OLFM2: variants seen among roughly 807,000 people sequenced by gnomAD.
The protein encoded by OLFM2 is olfactomedin 2.
OLFM2 carries 20 observed loss-of-function variants against 43.9 expected under a neutral mutation model. That is an observed-to-expected ratio of 0.46 (90% CI 0.32 to 0.66). The LOEUF is 0.66. Ranked by LOEUF, OLFM2 falls within the 30% of genes least tolerant of loss-of-function variation. The pLI, the probability that OLFM2 is intolerant of heterozygous loss-of-function variation, is 0.04. For synonymous variants in OLFM2, 268 were observed against 278.6 expected, an observed-to-expected ratio of 0.96 and a Z score of 0.38; for missense variants, 416 against 643.6, an observed-to-expected ratio of 0.65 and a Z score of 3.83.
chr19:9,916,518 G>C (rs2046877312), intron 1 of OLFM2, among the ~76,000 whole-genome samples: 1 of 152,166 alleles, frequency 6.6e-6, no homozygotes, highest in Non-Finnish European at 1.5e-5. Context: ...AGAGAGGAGA[G>C]GGACCCAGAT....
At chr19:9,904,728 T>C (rs2046770484) in intron 1 of OLFM2, among the ~76,000 whole-genome samples, 2 of 151,362 alleles carry the variant, frequency 1.3e-5, no homozygotes, top group Admixed American at 1.3e-4. Context: ...ATATCAAGAG[T>C]TGGAATTCTG....
At chr19:9,900,828 C>T (rs2046725461) in intron 1 of OLFM2, among the ~76,000 whole-genome samples, 1 of 148,222 alleles carries the variant, frequency 6.7e-6, no homozygotes, top group African/African-American at 2.5e-5. Flanking sequence ...GAGGTTGAGG[C>T]TGCAGTGAGC....
chr19:9,892,583 T>G (rs1045387067), intron 1 of OLFM2, among the ~76,000 whole-genome samples: 1 of 151,792 alleles, frequency 6.6e-6, no homozygotes, highest in East Asian at 1.9e-4. Flanking sequence ...TGGTGGCGGG[T>G]GCCTGTAGTT....
At chr19:9,907,173 G>C (rs978492412) in intron 1 of OLFM2, among the ~76,000 whole-genome samples, 5 of 152,254 alleles carry the variant, frequency 3.3e-5, no homozygotes, top group African/African-American at 1.2e-4. Flanking sequence ...AGGTGGTCTG[G>C]GGCCGGGCGT....
intron 1 of OLFM2, among the ~76,000 whole-genome samples, chr19:9,903,654 C>T (rs1464730578): frequency 6.6e-6 from 1 of 152,192 alleles, no homozygotes; most frequent in African/African-American, 2.4e-5. Context: ...GCCTGATGTC[C>T]TGCTGAGGTC....
At chr19:9,904,613 G>A (rs1046275152) in intron 1 of OLFM2, among the ~76,000 whole-genome samples, 1 of 152,032 alleles carries the variant, frequency 6.6e-6, no homozygotes, top group Non-Finnish European at 1.5e-5. Flanking sequence ...GTGGGGTTGA[G>A]AAGTGACTCT....
chr19:9,875,652 G>A (rs549373008), intron 1 of OLFM2, among the ~76,000 whole-genome samples: 34 of 36,106 alleles, frequency 9.4e-4, no homozygotes, highest in Non-Finnish European at 1.7e-3. Context: ...CAGCACATCT[G>A]GTTGTTTGTT....
At chr19:9,858,548 G>A (rs1306159561) in intron 2 of OLFM2, among the ~76,000 whole-genome samples, 1 of 152,182 alleles carries the variant, frequency 6.6e-6, no homozygotes, top group Non-Finnish European at 1.5e-5. Flanking sequence ...GCTGCGTCTA[G>A]CTTGTCCACA....
chr19:9,867,378 C>T (rs886852608), intron 1 of OLFM2, among the ~76,000 whole-genome samples: 4 of 151,922 alleles, frequency 2.6e-5, no homozygotes, highest in Non-Finnish European at 5.9e-5. Flanking sequence ...CTCAAAAAAA[C>T]AACAATAACA....
At chr19:9,925,184 A>G (rs1469371499) in intron 1 of OLFM2, among the ~76,000 whole-genome samples, 1 of 151,946 alleles carries the variant, frequency 6.6e-6, no homozygotes, top group African/African-American at 2.4e-5. Flanking sequence ...TTGAGTCCGG[A>G]AGGCGGAGGC....
chr19:9,876,199 A>G (rs750842599), intron 1 of OLFM2, among the ~76,000 whole-genome samples: 1 of 152,202 alleles, frequency 6.6e-6, no homozygotes, highest in Non-Finnish European at 1.5e-5. Flanking sequence ...TGCAGCCATC[A>G]GCGCCCGTGG....
intron 2 of OLFM2, among the ~76,000 whole-genome samples, chr19:9,859,269 T>C (rs2046348115): frequency 6.6e-6 from 1 of 152,190 alleles, no homozygotes. Flanking sequence ...TCCAAAAATA[T>C]TAAGTGGGAA....
intron 5 of OLFM2, among the ~76,000 whole-genome samples, chr19:9,855,185 G>A (rs1318521665): frequency 6.6e-6 from 1 of 151,740 alleles, no homozygotes; most frequent in Non-Finnish European, 1.5e-5. Context: ...GAACTGCATG[G>A]CCCCAGTAGG....
chr19:9,914,702 G>A (rs7260443), intron 1 of OLFM2, among the ~76,000 whole-genome samples: 63,559 of 151,874 alleles, frequency 0.42, 13,788 homozygotes, highest in Admixed American at 0.55. Context: ...GGAGCGGGAA[G>A]CGCAGTGCCC....
chr19:9,927,715 T>C (rs2086461876), intron 1 of OLFM2, among the ~76,000 whole-genome samples: 1 of 152,148 alleles, frequency 6.6e-6, no homozygotes, highest in Admixed American at 6.6e-5. Context: ...CCCTCCTGAG[T>C]GAGTGAGTGC....
chr19:9,916,157 G>A (rs1021850475), intron 1 of OLFM2, among the ~76,000 whole-genome samples: 8 of 152,132 alleles, frequency 5.3e-5, no homozygotes, highest in African/African-American at 1.9e-4. Flanking sequence ...AGGAGTTCGA[G>A]ACCAGCCTGG....
At chr19:9,928,483 T>G (rs2086465424) in intron 1 of OLFM2, among the ~76,000 whole-genome samples, 1 of 151,660 alleles carries the variant, frequency 6.6e-6, no homozygotes, top group African/African-American at 2.4e-5. Flanking sequence ...GGACCGAGAG[T>G]CTACTGGGTC....
intron 1 of OLFM2, among the ~76,000 whole-genome samples, chr19:9,885,981 C>T (rs2046582974): frequency 6.6e-6 from 1 of 151,846 alleles, no homozygotes. Flanking sequence ...CCTGTAGTCC[C>T]AGCTACATGG....
At chr19:9,866,130 C>G (rs1027783036) in intron 1 of OLFM2, among the ~76,000 whole-genome samples, 1 of 152,234 alleles carries the variant, frequency 6.6e-6, no homozygotes, top group Non-Finnish European at 1.5e-5. Flanking sequence ...ACGCATCTCA[C>G]CGGAGTGTTC....
Sources: allele counts gnomAD v4.1 joint callset (sites outside exome capture counted in the v4.1 genomes callset), GRCh38; gene constraint gnomAD v4.1.1; transcripts MANE v1.5; gene names NCBI Gene and HGNC (gene_info 2026-07-23, HGNC 2026-07-21).